Variants in AAK1 observed in about 807,000 individuals in gnomAD.
AAK1 encodes the protein AP2 associated kinase 1.
A neutral mutation model predicts 116.0 loss-of-function variants in AAK1; 37 were observed. That is an observed-to-expected ratio of 0.32 (90% CI 0.25 to 0.42). AAK1 has a LOEUF of 0.42. AAK1 is among the 10% of genes least tolerant of loss of function. AAK1 has a pLI of 1.00. For synonymous variants in AAK1, 458 were observed against 439.9 expected (o/e 1.04, Z -0.51); for missense variants, 919 against 1,170.6 (o/e 0.79, Z 3.14).
In AAK1 at chr2:69,472,598, C is replaced by A. The variant is rs1160398833; in HGVS notation, c.*3271G>T. ...TCATACTTAGAAGTGTCCACTTAAG[C>A]CTTATCTCCTCTGAGGTATGTATTT... On this transcript the variant is annotated 3_prime_UTR_variant, in exon 22 of 22. Transcript: ENST00000409085. 4 of 984,134 alleles carry A rather than the reference C, an allele frequency of 4.1e-6. No individual in the cohort carries two copies. The highest frequency in any genetic ancestry group is 4.8e-6 in the Non-Finnish European group (4 of 828,856). The allele number at this position is 984,134 out of a possible 1,614,324, so 61.0% of individuals were successfully genotyped here. A position where few individuals can be genotyped will look rare whatever the true frequency, so the allele number is the denominator to read the frequency against.
intron 17 of AAK1, among the ~76,000 whole-genome samples, chr2:69,486,669 A>C (rs1558900970): frequency 1.3e-5 from 2 of 152,186 alleles, no homozygotes; most frequent in Non-Finnish European, 2.9e-5. Context: ...TTACATTTGT[A>C]GAGCTTAATA....
At chr2:69,543,035 G>GT (rs924759356) in intron 4 of AAK1, among the ~76,000 whole-genome samples, 1 of 152,188 alleles carries the variant, frequency 6.6e-6, no homozygotes, top group African/African-American at 2.4e-5. Flanking sequence ...ATATCTTTTA[G>GT]TAAGAATCAG....
intron 18 of AAK1, chr2:69,481,217 A>G (rs916547020): frequency 3.1e-6 from 1 of 319,420 alleles, no homozygotes; most frequent in Non-Finnish European, 5.9e-6. Flanking sequence ...GCAAGGTGGA[A>G]AGAAAAATAA....
intron 2 of AAK1, among the ~76,000 whole-genome samples, chr2:69,600,278 T>A (rs571569540): frequency 6.7e-6 from 1 of 149,134 alleles, no homozygotes; most frequent in African/African-American, 2.5e-5. Flanking sequence ...GTTGCATTCT[T>A]AATCTGTCTC....
Position 69,643,104 on chromosome 2 carries a change from T to A in AAK1, c.-64A>T. ...TTCTAGATTTTTTTTTTTTTTTTTT[T>A]TTTTTAAGAAAAGAGATCCAAGGAT... On this transcript the variant is annotated 5_prime_UTR_variant, in exon 2 of 22. Coordinates refer to ENST00000409085, the MANE Select transcript of AAK1 (RefSeq NM_014911.5). The A allele has an allele frequency of 6.9e-7, 1 of 1,449,334 alleles. No homozygotes were observed. The highest frequency in any genetic ancestry group is 9.0e-7 in the Non-Finnish European group (1 of 1,107,634). The allele number at this position is 1,449,334 out of a possible 1,614,324, so 89.8% of individuals were successfully genotyped here.
At chr2:69,563,236 A>G (rs929883787) in intron 2 of AAK1, among the ~76,000 whole-genome samples, 1 of 152,162 alleles carries the variant, frequency 6.6e-6, no homozygotes, top group Non-Finnish European at 1.5e-5. Context: ...GCTGTTCTGA[A>G]TGAATCAGGA....
At chr2:69,484,582 C>G (rs917666457) in intron 17 of AAK1, among the ~76,000 whole-genome samples, 1 of 152,166 alleles carries the variant, frequency 6.6e-6, no homozygotes, top group Admixed American at 6.5e-5. Context: ...CACCTGAGGA[C>G]AGGAGTTCGA....
chr2:69,587,286 T>C (rs1238611117), intron 2 of AAK1, among the ~76,000 whole-genome samples: 1 of 151,058 alleles, frequency 6.6e-6, no homozygotes, highest in Non-Finnish European at 1.5e-5. Context: ...TACACACATG[T>C]ATACACACGT....
At chr2:69,505,163 G>A (rs576788650) in intron 16 of AAK1, among the ~76,000 whole-genome samples, 1 of 152,072 alleles carries the variant, frequency 6.6e-6, no homozygotes, top group Non-Finnish European at 1.5e-5. Flanking sequence ...ACACAGTTTA[G>A]AGGAGTGTTA....
rs1362796077 is a variant in AAK1 at position 69,474,929 on chromosome 2, A to C, written c.*940T>G. The C allele has an allele frequency of 1.0e-6, 1 of 985,406 alleles. No homozygotes were observed. Among genetic ancestry groups the C allele is most frequent in the Non-Finnish European group, 1.2e-6 (1 of 829,888 alleles). The allele number at this position is 985,406 out of a possible 1,614,324, so 61.0% of individuals were successfully genotyped here. A position where few individuals can be genotyped will look rare whatever the true frequency, so the allele number is the denominator to read the frequency against. ...GATTCAAAATAAAAATCACAAGAAA[A>C]ATACATCTGTTTCTGCTACAATTCC... On this transcript the variant is annotated 3_prime_UTR_variant, in exon 22 of 22. Transcript: ENST00000409085.
chr2:69,487,955 A>C (rs1235081090), intron 17 of AAK1, among the ~76,000 whole-genome samples: 1 of 151,686 alleles, frequency 6.6e-6, no homozygotes, highest in East Asian at 1.9e-4. Flanking sequence ...ACGCCCAGCT[A>C]ATTTTTGTTA....
At chr2:69,630,017 A>G (rs1675091780) in intron 2 of AAK1, among the ~76,000 whole-genome samples, 1 of 152,136 alleles carries the variant, frequency 6.6e-6, no homozygotes, top group Non-Finnish European at 1.5e-5. Flanking sequence ...GCTGCGGGGA[A>G]CACCATGAGT....
Position 69,469,114 on chromosome 2 carries a change from G to A in AAK1, c.*6755C>T. On this transcript the variant is annotated 3_prime_UTR_variant, in exon 22 of 22. Coordinates refer to ENST00000409085, the MANE Select transcript of AAK1 (RefSeq NM_014911.5). ...TAGGAATGGAAAAGTACATTTAAAG[G>A]GTTGTCCTGAGAAGGCCAAGTCCCT... The A allele has an allele frequency of 1.0e-6, 1 of 985,406 alleles. No homozygotes were observed. Among genetic ancestry groups the A allele is most frequent in the Non-Finnish European group, 1.2e-6 (1 of 829,940 alleles). The allele number at this position is 985,406 out of a possible 1,614,324, so 61.0% of individuals were successfully genotyped here. A position where few individuals can be genotyped will look rare whatever the true frequency, so the allele number is the denominator to read the frequency against.
chr2:69,495,365 A>C (rs1048842892), intron 17 of AAK1, among the ~76,000 whole-genome samples: 1 of 152,172 alleles, frequency 6.6e-6, no homozygotes, highest in Non-Finnish European at 1.5e-5. Context: ...GATATGGTGG[A>C]CTACAAGAGA....
In AAK1 at chr2:69,643,238, C is replaced by T. The variant is rs1011217056; in HGVS notation, c.-198G>A. ...TGCGTGTCAATCGCGCAGCGGGTCC[C>T]CTCCTCCTCCAGAAAGCGATTCGTG... On this transcript the variant is annotated 5_prime_UTR_variant, in exon 2 of 22. Coordinates refer to ENST00000409085, the MANE Select transcript of AAK1 (RefSeq NM_014911.5). 3.6e-6 allele frequency: 5 copies of T among 1,407,744 alleles called. No homozygotes were observed. Among genetic ancestry groups the T allele is most frequent in the Non-Finnish European group, 4.6e-6 (5 of 1,088,176 alleles). 87.2% of individuals were successfully genotyped at this position (1,407,744 alleles called of 1,614,324 possible).
At chr2:69,539,857 C>G (rs1389897311) in intron 5 of AAK1, among the ~76,000 whole-genome samples, 1 of 152,212 alleles carries the variant, frequency 6.6e-6, no homozygotes, top group Non-Finnish European at 1.5e-5. Context: ...AAATTCCAAT[C>G]ATCACTGCCT....
intron 2 of AAK1, among the ~76,000 whole-genome samples, chr2:69,571,607 T>C (rs149596786): frequency 9.4e-4 from 143 of 152,306 alleles, no homozygotes; most frequent in Non-Finnish European, 1.6e-3. Context: ...ATTTTAACAA[T>C]TACAGGCTTT....
Position 69,505,590 on chromosome 2 carries a change from T to C in AAK1, c.2248A>G (p.Thr750Ala), listed in dbSNP as rs746383114. The C allele has an allele frequency of 4.3e-6, 7 of 1,613,414 alleles. No individual in the cohort carries two copies. The highest frequency in any genetic ancestry group is 5.9e-6 in the Non-Finnish European group (7 of 1,179,698). The change falls in exon 16 of 22, where the codon ACC becomes GCC. Residue 750 changes from threonine (T) to alanine (A), a missense_variant. Thr to Ala is a moderately conservative substitution (Grantham distance 58, BLOSUM62 0). Coordinates refer to ENST00000409085, the MANE Select transcript of AAK1 (RefSeq NM_014911.5). ...QSTQGDAFAT[T>A]SFSAGTAEKR... ...TAACCAGTTCCAGCAGAAAATGAGG[T>C]CGTAGCAAAAGCATCACCTTGGGTT...
In AAK1 at chr2:69,475,890, C is replaced by A. The variant is rs1674837646; in HGVS notation, c.2865G>T (p.Val955=). The A allele has an allele frequency of 9.9e-6, 16 of 1,611,864 alleles. No homozygotes were observed. Among genetic ancestry groups the A allele is most frequent in the Non-Finnish European group, 1.4e-5 (16 of 1,179,120 alleles). The change falls in exon 22 of 22, where the codon GTG becomes GTT. Residue 955 remains valine, a synonymous_variant. Coordinates refer to ENST00000409085, the MANE Select transcript of AAK1 (RefSeq NM_014911.5). The part of the protein sequence containing the change: ...LPNLARSLLL[V]DQLIDL ...ACGGCTACAGGTCTATGAGCTGATC[C>A]ACCAGCAGTAAAGACCTGGCTAGGT...
Sources: gnomAD v4.1 joint callset for allele counts (sites outside exome capture counted in the v4.1 genomes callset) on GRCh38, gnomAD v4.1.1 for gene constraint, MANE v1.5 for transcripts, NCBI Gene and HGNC (gene_info 2026-07-23, HGNC 2026-07-21) for gene names.